BCL2: variants seen among roughly 807,000 people sequenced by gnomAD.
BCL2 encodes the protein apoptosis regulator Bcl-2.
Under a neutral mutation model 14.2 loss-of-function variants are expected in BCL2, and 1 was observed. The ratio of observed to expected loss-of-function variants is 0.07; its 90% CI spans 0.02 to 0.33. The LOEUF is 0.33. Among genes scored for constraint, BCL2 ranks in the 10% least tolerant of loss-of-function variants. BCL2 has a pLI of 0.99. For synonymous variants in BCL2, 151 were observed against 137.2 expected, an observed-to-expected ratio of 1.10 and a Z score of -0.70; for missense variants, 247 against 305.9, an observed-to-expected ratio of 0.81 and a Z score of 1.44.
chr18:63,279,854 T>G (rs1279021964), intron 2 of BCL2, among the ~76,000 whole-genome samples: 1 of 152,230 alleles, frequency 6.6e-6, no homozygotes, highest in Non-Finnish European at 1.5e-5. Flanking sequence ...CAAGCACAAC[T>G]AATTTATATC....
At chr18:63,194,899 T>A (rs1251553600) in intron 2 of BCL2, among the ~76,000 whole-genome samples, 1 of 152,022 alleles carries the variant, frequency 6.6e-6, no homozygotes, top group Non-Finnish European at 1.5e-5. Context: ...GATCTGAGAG[T>A]CGGCCTGGGG....
chr18:63,278,175 AG>A (rs1173930082), intron 2 of BCL2, among the ~76,000 whole-genome samples: 1 of 152,242 alleles, frequency 6.6e-6, no homozygotes, highest in Non-Finnish European at 1.5e-5. Flanking sequence ...ATTATCAGGA[AG>A]AAATACTATT....
chr18:63,205,938 G>A (rs1361802596), intron 2 of BCL2, among the ~76,000 whole-genome samples: 2 of 152,182 alleles, frequency 1.3e-5, no homozygotes, highest in African/African-American at 2.4e-5. Context: ...TAAGAAAGAG[G>A]AGACCACAGG....
At chr18:63,196,109 T>C (rs907901744) in intron 2 of BCL2, among the ~76,000 whole-genome samples, 1 of 152,220 alleles carries the variant, frequency 6.6e-6, no homozygotes, top group African/African-American at 2.4e-5. Flanking sequence ...TATTTCCTCT[T>C]GGAGACCTAA....
intron 2 of BCL2, among the ~76,000 whole-genome samples, chr18:63,182,548 G>A (rs1005348078): frequency 3.9e-5 from 6 of 152,188 alleles, no homozygotes; most frequent in African/African-American, 1.4e-4. Context: ...TGAGACCGGG[G>A]GATGTCCACA....
intron 2 of BCL2, among the ~76,000 whole-genome samples, chr18:63,239,870 G>A (rs1422679047): frequency 1.3e-5 from 2 of 152,210 alleles, no homozygotes; most frequent in African/African-American, 4.8e-5. Context: ...ATAGGCCAAA[G>A]GGAAATGGGA....
intron 2 of BCL2, among the ~76,000 whole-genome samples, chr18:63,263,332 C>T (rs1336472166): frequency 1.3e-5 from 2 of 152,200 alleles, no homozygotes; most frequent in African/African-American, 4.8e-5. Context: ...ATTTTACTTC[C>T]ACTGGGATTG....
chr18:63,318,511 C>T lies in BCL2; in HGVS notation c.156G>A (p.Gln52=). The part of the protein sequence containing the change: ...AAPAPGIFSS[Q]PGHTPHPAAS... Reference sequence around the variant, plus strand: ...CGGCTGGATGGGGCGTGTGCCCGGGCTGGGAGGAGAAGATGCCCGGTGCGG... The same window carrying T: ...CGGCTGGATGGGGCGTGTGCCCGGGTTGGGAGGAGAAGATGCCCGGTGCGG... The change falls in exon 2 of 3, where the codon CAG becomes CAA. Residue 52 remains glutamine, a synonymous_variant. Coordinates refer to ENST00000333681, the MANE Select transcript of BCL2 (RefSeq NM_000633.3). This position sits in a 1 kb window ranked among gnomAD's most constrained non-coding sequence, Gnocchi z 7.4. 1.3e-6 allele frequency: 2 copies of T among 1,556,312 alleles called. No homozygotes were observed. Among genetic ancestry groups the T allele is most frequent in the Non-Finnish European group, 1.7e-6 (2 of 1,158,496 alleles).
chr18:63,178,646 T>C (rs944980067), intron 2 of BCL2, among the ~76,000 whole-genome samples: 1 of 152,198 alleles, frequency 6.6e-6, no homozygotes, highest in East Asian at 1.9e-4. Context: ...CCAGACTCAC[T>C]TGGGTCTGAT....
chr18:63,239,811 A>G (rs2144190365), intron 2 of BCL2, among the ~76,000 whole-genome samples: 1 of 152,142 alleles, frequency 6.6e-6, no homozygotes, highest in Non-Finnish European at 1.5e-5. Flanking sequence ...GGTAGTTTTC[A>G]TGCATGGAAT....
At chr18:63,142,814 T>C (rs1039685950) in intron 2 of BCL2, among the ~76,000 whole-genome samples, 1 of 152,234 alleles carries the variant, frequency 6.6e-6, no homozygotes, top group African/African-American at 2.4e-5. Flanking sequence ...TTTTGTAGTT[T>C]ATGATTTAGT....
intron 2 of BCL2, among the ~76,000 whole-genome samples, chr18:63,136,953 C>A (rs1914223996): frequency 1.3e-5 from 2 of 152,198 alleles, no homozygotes; most frequent in Admixed American, 1.3e-4. Flanking sequence ...CCAATTTTAC[C>A]ACCTGAACAC....
At position 63,167,546 on chromosome 18, in the gene BCL2, G is replaced by A. The variant is rs570242849; in HGVS notation, c.586-38787C>T. Among the ~76,000 whole-genome samples, 112 of 152,230 alleles carry A rather than the reference G, an allele frequency of 7.4e-4. 1 individual carries two copies. Among genetic ancestry groups the A allele is most frequent in the South Asian group, 2.1e-4 (1 of 4,824 alleles). Reference sequence around the variant, plus strand: ...TATCATCCTAGTGCTTTGGGAGGCCGAGGCAGGAGGATCACTTGAGCCTAA... The same window carrying A: ...TATCATCCTAGTGCTTTGGGAGGCCAAGGCAGGAGGATCACTTGAGCCTAA... On this transcript the variant is annotated intron_variant, in intron 2 of 2. Transcript: ENST00000333681.
rs1913963916 is a variant in BCL2 at position 63,128,217 on chromosome 18, T to C, written c.*408A>G. 2 of 234,666 alleles carry C rather than the reference T, an allele frequency of 8.5e-6. No homozygotes were observed. The highest frequency in any genetic ancestry group is 5.6e-5 in the Admixed American group (1 of 17,832). 14.5% of individuals were successfully genotyped at this position (234,666 alleles called of 1,614,324 possible). On this transcript the variant is annotated 3_prime_UTR_variant, in exon 3 of 3. Transcript: ENST00000333681. ...TGATCAGGTCCTTTTTCCATCCGTC[T>C]GCTCTTCAGATGGTGATCCGGCCAA...
intron 2 of BCL2, among the ~76,000 whole-genome samples, chr18:63,269,854 T>C (rs563888264): frequency 6.2e-4 from 95 of 152,340 alleles, no homozygotes; most frequent in Non-Finnish European, 1.2e-3. Flanking sequence ...GCATATTTAC[T>C]GTTAATAACA....
In BCL2 at chr18:63,127,390, C is replaced by T. The variant is rs1179712793; in HGVS notation, c.*1235G>A. ...AAGGGCCCAGGGCCTCTGTTCCTTC[C>T]CTCTACAGTGATACATGTCTTAAGA... On this transcript the variant is annotated 3_prime_UTR_variant, in exon 3 of 3. Transcript: ENST00000333681. The T allele has an allele frequency of 8.5e-6, 2 of 235,688 alleles. No homozygotes were observed. The highest frequency in any genetic ancestry group is 1.7e-5 in the Non-Finnish European group (2 of 119,576). 14.6% of individuals were successfully genotyped at this position (235,688 alleles called of 1,614,324 possible).
At chr18:63,231,936 T>C (rs1910699614) in intron 2 of BCL2, among the ~76,000 whole-genome samples, 1 of 152,062 alleles carries the variant, frequency 6.6e-6, no homozygotes, top group Non-Finnish European at 1.5e-5. Flanking sequence ...ACAATATACT[T>C]AATTATGCCA....
At chr18:63,218,267 G>T (rs1476303421) in intron 2 of BCL2, among the ~76,000 whole-genome samples, 2 of 151,840 alleles carry the variant, frequency 1.3e-5, no homozygotes, top group Admixed American at 1.3e-4. Flanking sequence ...GTCCCCTCTT[G>T]GTGTGCCACC....
intron 2 of BCL2, among the ~76,000 whole-genome samples, chr18:63,246,227 G>A (rs1911147802): frequency 6.6e-6 from 1 of 152,120 alleles, no homozygotes; most frequent in Non-Finnish European, 1.5e-5. Flanking sequence ...AGTGGGAGAG[G>A]AGTCCGTTTG....
Sources: allele counts gnomAD v4.1 joint callset (sites outside exome capture counted in the v4.1 genomes callset), GRCh38; gene constraint gnomAD v4.1.1; non-coding constraint Gnocchi (gnomAD v3.1); transcripts MANE v1.5; gene names NCBI Gene and HGNC (gene_info 2026-07-23, HGNC 2026-07-21).